The following SMOC2 variants were observed in gnomAD, a reference collection of about 807,000 sequenced individuals.
SMOC2 encodes SPARC related modular calcium binding 2.
In SMOC2, 39 loss-of-function variants were observed where a neutral mutation model predicts 61.4. The ratio of observed to expected loss-of-function variants is 0.64; its 90% CI spans 0.49 to 0.83. The LOEUF (loss-of-function observed/expected upper bound fraction) is 0.83. Ranked by LOEUF, SMOC2 falls within the 40% of genes least tolerant of loss-of-function variation. The pLI, the probability that SMOC2 is intolerant of heterozygous loss-of-function variation, is 0.00. For missense variants in SMOC2, 556 were observed against 592.9 expected (o/e 0.94, Z 0.65); for synonymous variants, 247 against 239.9 (o/e 1.03, Z -0.27).
At chr6:168,464,297 C>A (rs55830022) in intron 1 of SMOC2, among the ~76,000 whole-genome samples, 1 of 151,446 alleles carries the variant, frequency 6.6e-6, no homozygotes, top group African/African-American at 2.4e-5. Context: ...GAAGGAAGGA[C>A]GGACGGAAGG....
At chr6:168,644,995 A>G (rs531614049) in intron 9 of SMOC2, among the ~76,000 whole-genome samples, 1 of 152,366 alleles carries the variant, frequency 6.6e-6, no homozygotes, top group South Asian at 2.1e-4. Flanking sequence ...AGAAAATTAT[A>G]AACTATTTGC....
chr6:168,476,171 G>GC (rs1782078550), intron 1 of SMOC2, among the ~76,000 whole-genome samples: 2 of 152,122 alleles, frequency 1.3e-5, no homozygotes, highest in Admixed American at 6.5e-5. Context: ...GGAAATACAT[G>GC]AGAGTCTTGG....
At chr6:168,492,144 A>C (rs563469970) in intron 1 of SMOC2, among the ~76,000 whole-genome samples, 12 of 152,328 alleles carry the variant, frequency 7.9e-5, no homozygotes, top group Non-Finnish European at 1.3e-4. Flanking sequence ...TCTGAAGGGA[A>C]TATTTCTCTT....
At chr6:168,666,286 C>A in intron 12 of SMOC2, 135 bp from the exon 13 acceptor site, 1 of 591,584 alleles carries the variant, frequency 1.7e-6, no homozygotes, top group Non-Finnish European at 2.9e-6. Flanking sequence ...TTGTTTCTTA[C>A]TCATACTTAC....
At chr6:168,443,436 C>A (rs554658509) in intron 1 of SMOC2, among the ~76,000 whole-genome samples, 1 of 152,304 alleles carries the variant, frequency 6.6e-6, no homozygotes, top group South Asian at 2.1e-4. Flanking sequence ...GCTGATACCC[C>A]ACGTGGGCTT....
chr6:168,512,820 A>C (rs962586924), intron 2 of SMOC2, among the ~76,000 whole-genome samples: 37 of 152,146 alleles, frequency 2.4e-4, no homozygotes, highest in Admixed American at 1.3e-4. Flanking sequence ...GAAACAGCTA[A>C]CATCTGGTGA....
intron 1 of SMOC2, among the ~76,000 whole-genome samples, chr6:168,509,109 G>A (rs1310803677): frequency 5.3e-5 from 8 of 152,182 alleles, no homozygotes; most frequent in Non-Finnish European, 5.9e-5. Context: ...GAAAACACAC[G>A]GGGCCAGCAC....
chr6:168,609,817 AT>A (rs897772675), intron 9 of SMOC2, among the ~76,000 whole-genome samples: 6 of 149,778 alleles, frequency 4.0e-5, no homozygotes, highest in Non-Finnish European at 8.9e-5. Context: ...TTCTTAACTT[AT>A]TTTTTTTTTC....
chr6:168,559,148 A>G (rs1784330290), intron 7 of SMOC2, among the ~76,000 whole-genome samples: 1 of 152,190 alleles, frequency 6.6e-6, no homozygotes, highest in African/African-American at 2.4e-5. Flanking sequence ...TCTTTTTGCC[A>G]TTCACACTTA....
intron 1 of SMOC2, among the ~76,000 whole-genome samples, chr6:168,499,252 C>T (rs969519760): frequency 1.3e-5 from 2 of 152,240 alleles, no homozygotes; most frequent in East Asian, 1.9e-4. Flanking sequence ...TGCATGCTGC[C>T]GCTGAGAGCC....
At chr6:168,637,374 G>A (rs1786766458) in intron 9 of SMOC2, among the ~76,000 whole-genome samples, 1 of 152,130 alleles carries the variant, frequency 6.6e-6, no homozygotes, top group Non-Finnish European at 1.5e-5. Context: ...GAAGTGAGTT[G>A]TGGCGTCCAC....
At chr6:168,630,549 TG>T (rs1460114809) in intron 9 of SMOC2, among the ~76,000 whole-genome samples, 2 of 152,198 alleles carry the variant, frequency 1.3e-5, no homozygotes, top group Admixed American at 1.3e-4. Context: ...AGAGCACGTG[TG>T]TTTAAACAAT....
chr6:168,624,089 GT>G (rs1383950179), intron 9 of SMOC2, among the ~76,000 whole-genome samples: 6 of 152,212 alleles, frequency 3.9e-5, no homozygotes, highest in Non-Finnish European at 7.3e-5. Flanking sequence ...AATGGAGACA[GT>G]AACAGGGTCA....
intron 1 of SMOC2, among the ~76,000 whole-genome samples, chr6:168,493,177 C>T (rs952828665): frequency 3.3e-5 from 5 of 151,988 alleles, no homozygotes; most frequent in African/African-American, 7.2e-5. Context: ...GCTGGGACTA[C>T]AGGTACACGC....
rs1164311688 is a variant in SMOC2, at chr6:168,544,439, G to A, written c.511+767G>A. On this transcript the variant is annotated intron_variant, in intron 5 of 12. Coordinates refer to ENST00000356284, the MANE Select transcript of SMOC2 (RefSeq NM_001166412.2). This position sits in a 1 kb window ranked among gnomAD's most constrained non-coding sequence, Gnocchi z 4.1. ...AAATAATATAAACACAGACCAGGCC[G>A]AGGCAGGCAGATCACCTGAGGTCAG... Among the ~76,000 whole-genome samples, 3 of 152,156 alleles carry A rather than the reference G, an allele frequency of 2.0e-5. No homozygotes were observed. Among genetic ancestry groups the A allele is most frequent in the South Asian group, 2.1e-4 (1 of 4,820 alleles).
intron 9 of SMOC2, among the ~76,000 whole-genome samples, chr6:168,614,002 C>T (rs1583161019): frequency 1.3e-5 from 1 of 77,744 alleles, no homozygotes; most frequent in Non-Finnish European, 2.6e-5. Context: ...CAGCACAGGG[C>T]CTCTTCACAC....
At chr6:168,558,802 CGCATGTGT>C (rs1784310797) in intron 7 of SMOC2, among the ~76,000 whole-genome samples, 1 of 132,034 alleles carries the variant, frequency 7.6e-6, no homozygotes, top group Non-Finnish European at 1.7e-5. Context: ...TGTGCGTGTG[CGCATGTGT>C]GTGTGTGCGT....
intron 7 of SMOC2, 138 bp from the exon 8 acceptor site, chr6:168,598,680 C>A (rs564242068): frequency 2.1e-6 from 2 of 940,678 alleles, no homozygotes; most frequent in South Asian, 1.5e-5. Flanking sequence ...CTGTGCCCCC[C>A]ACGCTGGCAG....
chr6:168,637,685 C>G (rs1337489686), intron 9 of SMOC2, among the ~76,000 whole-genome samples: 1 of 152,142 alleles, frequency 6.6e-6, no homozygotes, highest in East Asian at 1.9e-4. Flanking sequence ...TCCTAAGTTA[C>G]GTATAATTTG....
Sources: allele counts gnomAD v4.1 joint callset (sites outside exome capture counted in the v4.1 genomes callset), GRCh38; gene constraint gnomAD v4.1.1; non-coding constraint Gnocchi (gnomAD v3.1); transcripts MANE v1.5; gene names NCBI Gene and HGNC (gene_info 2026-07-23, HGNC 2026-07-21).